The following URI1 variants were observed in gnomAD, a reference collection of about 807,000 sequenced individuals.
The protein encoded by URI1 is URI1 prefoldin like chaperone.
In URI1, 39 loss-of-function variants were observed where a neutral mutation model predicts 60.2. That is an observed-to-expected ratio of 0.65 (90% CI 0.50 to 0.85). The LOEUF (loss-of-function observed/expected upper bound fraction) is 0.85, where lower values mean the gene tolerates loss of function less well. Among genes scored for constraint, URI1 ranks in the 40% least tolerant of loss-of-function variants. The pLI is 0.00. For missense variants in URI1, 691 were observed against 665.9 expected, an observed-to-expected ratio of 1.04 and a Z score of -0.42; for synonymous variants, 251 against 236.8, an observed-to-expected ratio of 1.06 and a Z score of -0.55.
intron 7 of URI1, among the ~76,000 whole-genome samples, chr19:30,008,765 T>TA (rs202184529): frequency 0.018 from 2,777 of 152,208 alleles, 82 homozygotes; most frequent in Non-Finnish European, 0.021. Flanking sequence ...CTTGCAAAGA[T>TA]AAAAAAATTA....
chr19:29,945,910 A>C (rs2055097382), intron 1 of URI1, among the ~76,000 whole-genome samples: 1 of 152,176 alleles, frequency 6.6e-6, no homozygotes, highest in Admixed American at 6.5e-5. Flanking sequence ...TTTAATTTTA[A>C]CGAAAATTGG....
rs1409258435 is a variant in URI1 at position 30,009,094 on chromosome 19, A to C, written c.776A>C (p.His259Pro). 3 of 1,613,922 alleles carry C rather than the reference A, an allele frequency of 1.9e-6. No individual in the cohort carries two copies. Among genetic ancestry groups the C allele is most frequent in the Non-Finnish European group, 2.5e-6 (3 of 1,179,952 alleles). The change falls in exon 8 of 11, where the codon CAT becomes CCT. Residue 259 changes from histidine to proline, a missense_variant. His to Pro is a moderately conservative substitution (Grantham distance 77, BLOSUM62 -2). Coordinates refer to ENST00000392271, the MANE Select transcript of URI1 (RefSeq NM_003796.3). ...CGTAACACAAATGTGAATGCGATGC[A>C]TCAAGTAACAGACTCTCATACTCCT... Reference protein sequence around the residue: ...EDRNTNVNAMHQVTDSHTPCH... With the variant: ...EDRNTNVNAMPQVTDSHTPCH...
At chr19:29,971,002 A>G (rs1599687091) in intron 1 of URI1, 191 bp from the exon 2 acceptor site, 2 of 594,928 alleles carry the variant, frequency 3.4e-6, no homozygotes, top group Non-Finnish European at 6.0e-6. Flanking sequence ...ATCAGCCTGC[A>G]TTAGAGGGTT....
At chr19:29,946,109 A>G (rs1197220178) in intron 1 of URI1, among the ~76,000 whole-genome samples, 1 of 152,096 alleles carries the variant, frequency 6.6e-6, no homozygotes, top group Non-Finnish European at 1.5e-5. Flanking sequence ...TTGTTATAAG[A>G]TACAGGGAGA....
chr19:30,005,807 CTT>C, intron 6 of URI1, 99 bp downstream of exon 6: 2 of 1,079,452 alleles, frequency 1.9e-6, no homozygotes, highest in Non-Finnish European at 2.6e-6. Context: ...TTAGAATACA[CTT>C]TTAAATTCAT....
chr19:30,015,558 C>G lies in URI1; in HGVS notation c.*489C>G. 2 of 1,535,140 alleles carry G rather than the reference C, an allele frequency of 1.3e-6. No individual in the cohort carries two copies. The highest frequency in any genetic ancestry group is 1.7e-6 in the Non-Finnish European group (2 of 1,146,332). On this transcript the variant is annotated 3_prime_UTR_variant, in exon 11 of 11. Coordinates refer to ENST00000392271, the MANE Select transcript of URI1 (RefSeq NM_003796.3). ...TAGGTTTTGCGGCTAGTTGGCTATT[C>G]AAGAAACCTCGCCCCTCTGAATGTC...
chr19:29,923,744 C>A (rs780020806), exon 1 of URI1: 1 of 1,536,768 alleles, frequency 6.5e-7, no homozygotes, highest in South Asian at 1.2e-5. Flanking sequence ...AGGGCTCTGG[C>A]ATATGCATTG....
At chr19:29,963,293 A>G (rs1286624221) in intron 1 of URI1, among the ~76,000 whole-genome samples, 2 of 151,968 alleles carry the variant, frequency 1.3e-5, no homozygotes, top group African/African-American at 2.4e-5. Context: ...TGTATTTTCC[A>G]TGTTTTATTT....
At chr19:29,942,181 G>T (rs1444429066), upstream of URI1, 2 of 978,106 alleles carry the variant, frequency 2.0e-6, no homozygotes, top group Non-Finnish European at 2.4e-6. Flanking sequence ...TGCGCGAGCT[G>T]GGCGTGTCGG....
chr19:29,975,642 T>G (rs1159083683), intron 2 of URI1, among the ~76,000 whole-genome samples: 2 of 152,066 alleles, frequency 1.3e-5, no homozygotes, highest in East Asian at 3.9e-4. Context: ...TAGCTGAGAT[T>G]ACAGGCGCGT....
chr19:30,010,199 A>G (rs1272025401), intron 8 of URI1, among the ~76,000 whole-genome samples: 1 of 152,154 alleles, frequency 6.6e-6, no homozygotes, highest in Non-Finnish European at 1.5e-5. Context: ...CAATATCCCG[A>G]TTGCCTGTAT....
At chr19:29,974,380 G>T (rs2055495888) in intron 2 of URI1, among the ~76,000 whole-genome samples, 1 of 151,928 alleles carries the variant, frequency 6.6e-6, no homozygotes, top group Non-Finnish European at 1.5e-5. Flanking sequence ...GATGGAGAGA[G>T]AGTTGGGTTT....
chr19:30,011,072 A>G (rs1043004714), intron 8 of URI1, 22 bp from the exon 9 acceptor site: 5 of 1,592,328 alleles, frequency 3.1e-6, no homozygotes, highest in Middle Eastern at 1.7e-4. Flanking sequence ...AAGATTCTTA[A>G]TTTCTTGCTC....
intron 1 of URI1, among the ~76,000 whole-genome samples, chr19:29,968,573 T>C (rs867790462): frequency 0.014 from 1,891 of 131,632 alleles, 34 homozygotes; most frequent in African/African-American, 0.05. Context: ...TTCTTTTTTT[T>C]TTTTTTTTTT....
intron 3 of URI1, 66 bp downstream of exon 3, chr19:29,985,367 T>C: frequency 7.3e-7 from 1 of 1,375,608 alleles, no homozygotes; most frequent in Admixed American, 1.7e-5. Context: ...TATGTGTCGG[T>C]TCACAGAATG....
At chr19:29,953,601 A>G (rs895540544) in intron 1 of URI1, among the ~76,000 whole-genome samples, 1 of 152,204 alleles carries the variant, frequency 6.6e-6, no homozygotes, top group Non-Finnish European at 1.5e-5. Flanking sequence ...TAGGCAATGC[A>G]GTAGACAATG....
intron 1 of URI1, among the ~76,000 whole-genome samples, chr19:29,955,862 A>AT (rs1447510567): frequency 6.6e-6 from 1 of 151,884 alleles, no homozygotes; most frequent in Non-Finnish European, 1.5e-5. Flanking sequence ...AAGTGCTGGG[A>AT]TTACAGGCGT....
At position 29,942,753 on chromosome 19, in the gene URI1, C is replaced by T. The variant is rs961250782; in HGVS notation, c.117+89C>T. ...GCCGCCGCCCCGCGTGGCCTAGGCC[C>T]AGCTGCCCGGGCCCCCGGAGGGAAC... On this transcript the variant is annotated intron_variant, in intron 1 of 10. Transcript: ENST00000392271. 7 of 1,263,928 alleles carry T rather than the reference C, an allele frequency of 5.5e-6. No individual in the cohort carries two copies. In the Middle Eastern group the frequency reaches 8.9e-4, roughly 161 times the overall value. 78.3% of individuals were successfully genotyped at this position (1,263,928 alleles called of 1,614,324 possible). A position where few individuals can be genotyped will look rare whatever the true frequency, so the allele number is the denominator to read the frequency against.
intron 2 of URI1, among the ~76,000 whole-genome samples, chr19:29,974,987 G>T (rs2055502778): frequency 6.6e-6 from 1 of 152,092 alleles, no homozygotes; most frequent in Non-Finnish European, 1.5e-5. Context: ...CACTGTTGAT[G>T]GGCACTTGGA....
Sources: gnomAD v4.1 joint callset for allele counts (sites outside exome capture counted in the v4.1 genomes callset) on GRCh38, gnomAD v4.1.1 for gene constraint, MANE v1.5 for transcripts, NCBI Gene and HGNC (gene_info 2026-07-23, HGNC 2026-07-21) for gene names.